SELENOS: variants seen among roughly 807,000 people sequenced by gnomAD.
SELENOS encodes VCP interacting membrane selenoprotein.
In SELENOS, 37 loss-of-function variants were observed where a neutral mutation model predicts 30.2. The ratio of observed to expected loss-of-function variants is 1.23; its 90% CI spans 0.94 to 1.61. SELENOS has a LOEUF of 1.61. Ranked by LOEUF, SELENOS falls within the 40% of genes most tolerant of loss-of-function variation. SELENOS has a pLI of 0.00. For missense variants in SELENOS, 289 were observed against 231.8 expected (o/e 1.25, Z -1.60); for synonymous variants, 119 against 91.6 (o/e 1.30, Z -1.71).
At chr15:101,274,719 G>C (rs372887174) in intron 3 of SELENOS, 38 bp from the exon 4 acceptor site, 1 of 1,573,020 alleles carries the variant, frequency 6.4e-7, no homozygotes, top group Non-Finnish European at 8.6e-7. Flanking sequence ...GAATTCAGAA[G>C]CTGCCATTTC....
At chr15:101,277,280 C>T (rs1438046829) in intron 1 of SELENOS, 62 bp downstream of exon 1, 1 of 1,516,150 alleles carries the variant, frequency 6.6e-7, no homozygotes, top group Non-Finnish European at 8.8e-7. Flanking sequence ...GGACGACCCA[C>T]CCATCATGGC....
intron 3 of SELENOS, 151 bp from the exon 4 acceptor site, chr15:101,274,832 G>T: frequency 2.4e-6 from 2 of 843,666 alleles, no homozygotes; most frequent in South Asian, 1.7e-5. Flanking sequence ...TGATCTGGTA[G>T]TGTGAGTTTA....
rs1355157292 is a variant in SELENOS at position 101,272,806 on chromosome 15, C to T, written c.535G>A (p.Gly179Arg). 1 of 1,610,528 alleles carries T rather than the reference C, an allele frequency of 6.2e-7. No individual in the cohort carries two copies. Among genetic ancestry groups the T allele is most frequent in the Non-Finnish European group, 8.5e-7 (1 of 1,178,508 alleles). ...EGGGACSWRPGRRGPSSGGUG is the reference protein window; with the variant it reads ...EGGGACSWRPRRRGPSSGGUG Reference sequence around the variant, plus strand: ...CCGCCAGATGACGGGCCTCTGCGTCCAGGTCTCCAGGAGCAAGCTCCGCCT... The same window carrying T: ...CCGCCAGATGACGGGCCTCTGCGTCTAGGTCTCCAGGAGCAAGCTCCGCCT... Residue 179 changes from glycine (G) to arginine (R), a missense_variant, in exon 6 of 6, where the codon GGA becomes AGA. Coordinates refer to ENST00000526049, the MANE Select transcript of SELENOS (RefSeq NM_018445.6).
intron 1 of SELENOS, chr15:101,277,092 A>G: frequency 1.4e-6 from 1 of 710,472 alleles, no homozygotes; most frequent in South Asian, 1.5e-5. Flanking sequence ...TAACTACCAC[A>G]GGAAGGGCTT....
rs1401452020 is a variant in SELENOS, at chr15:101,275,336, T to C, written c.237A>G (p.Gln79=). 1.3e-6 allele frequency: 2 copies of C among 1,581,176 alleles called. No homozygotes were observed. The highest frequency in any genetic ancestry group is 1.7e-6 in the Non-Finnish European group (2 of 1,162,622). The change falls in exon 3 of 6, where the codon CAA becomes CAG. Residue 79 remains glutamine (Q), a synonymous_variant. Transcript: ENST00000526049. ...AVEPDVVVKR[Q]EALAAARLKM... ...TCAGTCGAGCAGCTGCTAAAGCTTCTTGTCGTTTAACAACAACATCAGGTT... is the reference window on the plus strand; with the variant it reads ...TCAGTCGAGCAGCTGCTAAAGCTTCCTGTCGTTTAACAACAACATCAGGTT...
At chr15:101,276,844 C>T (rs2039333549) in intron 1 of SELENOS, 169 bp from the exon 2 acceptor site, 1 of 739,884 alleles carries the variant, frequency 1.4e-6, no homozygotes, top group Non-Finnish European at 2.1e-6. Flanking sequence ...AGAAGTGCGA[C>T]AATTCAGGGA....
At chr15:101,275,065 G>C in intron 3 of SELENOS, 190 bp downstream of exon 3, 1 of 587,076 alleles carries the variant, frequency 1.7e-6, no homozygotes, top group African/African-American at 1.9e-5. Context: ...CACACATCTA[G>C]TGTTCCCTAA....
chr15:101,276,408 C>A, intron 2 of SELENOS, 133 bp downstream of exon 2: 1 of 1,211,306 alleles, frequency 8.3e-7, no homozygotes, highest in Non-Finnish European at 1.1e-6. Flanking sequence ...GCCGCCACTC[C>A]CGGCTATTTT....
intron 3 of SELENOS, 71 bp downstream of exon 3, chr15:101,275,184 A>G: frequency 1.5e-6 from 2 of 1,335,534 alleles, no homozygotes. Flanking sequence ...GACAACACAG[A>G]CACAGGCATC....
chr15:101,272,781 C>G lies in SELENOS; in HGVS notation c.560G>C (p.Gly187Ala). Residue 187 changes from glycine to alanine, a missense_variant, in exon 6 of 6, where the codon GGA (glycine) becomes GCA (alanine). Coordinates refer to ENST00000526049, the MANE Select transcript of SELENOS (RefSeq NM_018445.6). Reference protein sequence around the residue: ...RPGRRGPSSGGUG With the variant: ...RPGRRGPSSGAUG ...ACACTAACAAGATTCTTAGCCTCAT[C>G]CGCCAGATGACGGGCCTCTGCGTCC... 6.2e-7 allele frequency: 1 copy of G among 1,608,496 alleles called. No homozygotes were observed. Among genetic ancestry groups the G allele is most frequent in the South Asian group, 1.1e-5 (1 of 89,564 alleles).
downstream of SELENOS, chr15:101,271,593 T>A (rs184973878): frequency 2.0e-5 from 3 of 152,368 alleles, no homozygotes; most frequent in Admixed American, 1.3e-4. Context: ...TTTAAGTCTC[T>A]CACAGCCAGA....
rs1462329588 is a variant in SELENOS at position 101,276,879 on chromosome 15, C to T, written c.77-204G>A. 5 of 602,418 alleles carry T rather than the reference C, an allele frequency of 8.3e-6. 1 individual carries two copies. The South Asian group carries it at 8.8e-5, about 11-fold the overall frequency. 37.3% of individuals were successfully genotyped at this position (602,418 alleles called of 1,614,324 possible). On this transcript the variant is annotated intron_variant, in intron 1 of 5. Transcript: ENST00000526049. ...ATCACTGAGAAGTGAGACTTCCCAA[C>T]CATCTGGGGAGTCGGGGGCAGTTAG...
chr15:101,273,510 A>G (rs767140169), intron 5 of SELENOS, among the ~76,000 whole-genome samples: 158 of 152,220 alleles, frequency 1.0e-3, no homozygotes, highest in Non-Finnish European at 1.7e-3. Flanking sequence ...AATGCTGGGG[A>G]TGCTGAAAGA....
chr15:101,275,249 T>G lies in SELENOS; in HGVS notation c.318+6A>C. On this transcript the variant is annotated splice_donor_region_variant and intron_variant, in intron 3 of 5. Coordinates refer to ENST00000526049, the MANE Select transcript of SELENOS (RefSeq NM_018445.6). ...TGCACACATTCAAACTGAAACCAGTTCATACTTGTTTCAGTTTTTCCTTAT... is the reference window on the plus strand; with the variant it reads ...TGCACACATTCAAACTGAAACCAGTGCATACTTGTTTCAGTTTTTCCTTAT... 6.5e-7 allele frequency: 1 copy of G among 1,541,428 alleles called. No homozygotes were observed. The highest frequency in any genetic ancestry group is 1.4e-5 in the African/African-American group (1 of 72,602).
rs1251123311 is a variant in SELENOS, at chr15:101,276,689, C to A, written c.77-14G>T. On this transcript the variant is annotated splice_polypyrimidine_tract_variant and intron_variant, in intron 1 of 5. Coordinates refer to ENST00000526049, the MANE Select transcript of SELENOS (RefSeq NM_018445.6). ...GCAGGGAGCCCACTGAAAAGAAAAA[C>A]AGTTTTCAAAAAACTAAAAATGACA... 1 of 1,597,044 alleles carries A rather than the reference C, an allele frequency of 6.3e-7. No homozygotes were observed. The highest frequency in any genetic ancestry group is 1.8e-5 in the Admixed American group (1 of 54,526).
rs2039306772 is a variant in SELENOS at position 101,274,807 on chromosome 15, TTAA to T, written c.319-129_319-127del. The T allele has an allele frequency of 3.9e-6, 4 of 1,021,296 alleles. No homozygotes were observed. The African/African-American group carries it at 4.9e-5, about 13-fold the overall frequency. 63.3% of individuals were successfully genotyped at this position (1,021,296 alleles called of 1,614,324 possible). A position where few individuals can be genotyped will look rare whatever the true frequency, so the allele number is the denominator to read the frequency against. Reference sequence around the variant, plus strand: ...CAAACTTCACCCTCGTTTTCTTTAGTTAATAAAACTGTTGTGATCTGGTAGTGT... The same window carrying T: ...CAAACTTCACCCTCGTTTTCTTTAGTTAAAACTGTTGTGATCTGGTAGTGT... On this transcript the variant is annotated intron_variant, in intron 3 of 5. Transcript: ENST00000526049.
At position 101,277,351 on chromosome 15, in the gene SELENOS, G is replaced by T; in HGVS notation, c.67C>A (p.His23Asn). 6.6e-7 allele frequency: 1 copy of T among 1,515,034 alleles called. No homozygotes were observed. The highest frequency in any genetic ancestry group is 8.8e-7 in the Non-Finnish European group (1 of 1,139,152). The allele number at this position is 1,515,034 out of a possible 1,614,324, so 93.8% of individuals were successfully genotyped here. Residue 23 changes from histidine to asparagine, a missense_variant, in exon 1 of 6, where the codon CAC (histidine) becomes AAC (asparagine). By Grantham distance (68) the His-to-Asn change is moderately conservative. Transcript: ENST00000526049. ...ALETEGLRFLHTTVGSLLATY... is the reference protein window; with the variant it reads ...ALETEGLRFLNTTVGSLLATY... ...CCCCGCAACGACTCACCCGTGGTGTGCAGGAAGCGCAGCCCCTCGGTCTCC... is the reference window on the plus strand; with the variant it reads ...CCCCGCAACGACTCACCCGTGGTGTTCAGGAAGCGCAGCCCCTCGGTCTCC...
chr15:101,274,411 G>A lies in SELENOS; in HGVS notation c.484+9C>T. ...AAATCTGTTAACATTTGACATCAGTGGTGCTTACCTCCTCCCCGCAAAGGC... is the reference window on the plus strand; with the variant it reads ...AAATCTGTTAACATTTGACATCAGTAGTGCTTACCTCCTCCCCGCAAAGGC... On this transcript the variant is annotated intron_variant, in intron 5 of 5. Coordinates refer to ENST00000526049, the MANE Select transcript of SELENOS (RefSeq NM_018445.6). 6.2e-7 allele frequency: 1 copy of A among 1,603,486 alleles called. No homozygotes were observed. Among genetic ancestry groups the A allele is most frequent in the Non-Finnish European group, 8.5e-7 (1 of 1,174,464 alleles).
chr15:101,275,188 A>C, intron 3 of SELENOS, 67 bp downstream of exon 3: 3 of 1,353,924 alleles, frequency 2.2e-6, no homozygotes, highest in Non-Finnish European at 3.0e-6. Flanking sequence ...ACACAGACAC[A>C]GGCATCGTTA....
Sources: allele counts gnomAD v4.1 joint callset (sites outside exome capture counted in the v4.1 genomes callset), GRCh38; gene constraint gnomAD v4.1.1; transcripts MANE v1.5; gene names NCBI Gene and HGNC (gene_info 2026-07-23, HGNC 2026-07-21).